The following ALMS1 variants were observed in gnomAD, a reference collection of about 807,000 sequenced individuals.
ALMS1 encodes ALMS1 centrosome and basal body associated protein.
In ALMS1, 271 loss-of-function variants were observed where a neutral mutation model predicts 352.2. The observed-to-expected ratio is 0.77, with a 90% CI of 0.70 to 0.85. The LOEUF is 0.85. ALMS1 is among the 40% of genes least tolerant of loss of function. ALMS1 has a pLI of 0.00. For missense variants in ALMS1, 5,445 were observed against 4,870.7 expected, an observed-to-expected ratio of 1.12 and a Z score of -3.51; for synonymous variants, 1,865 against 1,761.2, an observed-to-expected ratio of 1.06 and a Z score of -1.48.
chr2:73,585,392 CTTTTT>C (rs760209126), intron 16 of ALMS1, among the ~76,000 whole-genome samples: 2 of 122,584 alleles, frequency 1.6e-5, no homozygotes, highest in Non-Finnish European at 1.7e-5. Context: ...TGATGATGAG[CTTTTT>C]TTTTTTTTTT....
intron 21 of ALMS1, among the ~76,000 whole-genome samples, chr2:73,604,836 T>C (rs1675779025): frequency 6.6e-6 from 1 of 151,894 alleles, no homozygotes; most frequent in Non-Finnish European, 1.5e-5. Flanking sequence ...TGGGGAGGAG[T>C]AAAATCACTG....
At position 73,490,049 on chromosome 2, in the gene ALMS1, ATTC is replaced by A; in HGVS notation, c.8094_8096del (p.Ser2700del). The stretch of plus-strand genomic sequence containing the variant: ...GTGCCACCTAAAGAAGTGGATTTTC[ATTC>A]TTCATCACAAATGCCGTCCCCAGAA... On this transcript the variant is annotated inframe_deletion, in exon 10 of 23. Transcript: ENST00000613296. 1 of 1,614,200 alleles carries A rather than the reference ATTC, an allele frequency of 6.2e-7. No individual in the cohort carries two copies. Among genetic ancestry groups the A allele is most frequent in the South Asian group, 1.1e-5 (1 of 91,072 alleles).
intron 16 of ALMS1, among the ~76,000 whole-genome samples, chr2:73,584,091 C>T (rs1181983871): frequency 6.6e-6 from 1 of 152,106 alleles, no homozygotes; most frequent in Non-Finnish European, 1.5e-5. Context: ...AACTAATATG[C>T]TTCAACCACT....
Position 73,490,274 on chromosome 2 carries a change from C to T in ALMS1, c.8315C>T (p.Ser2772Leu). The T allele has an allele frequency of 6.2e-7, 1 of 1,613,774 alleles. No individual in the cohort carries two copies. Among genetic ancestry groups the T allele is most frequent in the Non-Finnish European group, 8.5e-7 (1 of 1,179,942 alleles). ...RDLKQKTSSP[S>L]SFKMHSNSQD... ...CTTAAACAGAAAACCTCTTCCCCTT[C>T]ATCATTTAAAATGCATAGTAATTCA... Residue 2772 changes from serine (S) to leucine (L), a missense_variant, in exon 10 of 23, where the codon TCA (serine) becomes TTA (leucine). Ser to Leu is a moderately radical substitution (Grantham distance 145). Coordinates refer to ENST00000613296, the MANE Select transcript of ALMS1 (RefSeq NM_001378454.1).
chr2:73,427,680 C>A (rs530150539), intron 6 of ALMS1, among the ~76,000 whole-genome samples: 1 of 152,182 alleles, frequency 6.6e-6, no homozygotes, highest in Admixed American at 6.5e-5. Flanking sequence ...ATGTTCCCCT[C>A]CCTGTGTCAT....
At chr2:73,472,441 T>C (rs1453227953) in intron 9 of ALMS1, among the ~76,000 whole-genome samples, 4 of 152,090 alleles carry the variant, frequency 2.6e-5, no homozygotes, top group Non-Finnish European at 5.9e-5. Flanking sequence ...AAATTTGCAA[T>C]CAGCATAATC....
chr2:73,572,045 C>A (rs1215706975), intron 15 of ALMS1, among the ~76,000 whole-genome samples: 1 of 152,174 alleles, frequency 6.6e-6, no homozygotes, highest in African/African-American at 2.4e-5. Context: ...GTGGCAGAGC[C>A]CAGGCCAAAA....
Position 73,408,699 on chromosome 2 carries a change from T to C in ALMS1, c.402T>C (p.Asn134=), listed in dbSNP as rs1240872723. ...GTAGAACACAAATTTCTGATACTAA[T>C]GTGGTCTGTTTGGAAACAACAGCTC... ...GNSRTQISDT[N]VVCLETTAQR... is the part of the protein sequence containing the mutation. Residue 134 remains asparagine (N), a synonymous_variant, in exon 2 of 23, where the codon AAT becomes AAC. Transcript: ENST00000613296. The C allele has an allele frequency of 5.6e-6, 9 of 1,613,552 alleles. No individual in the cohort carries two copies. Among genetic ancestry groups the C allele is most frequent in the Non-Finnish European group, 7.6e-6 (9 of 1,179,836 alleles).
chr2:73,427,679 T>A (rs566227342), intron 6 of ALMS1, among the ~76,000 whole-genome samples: 1 of 152,232 alleles, frequency 6.6e-6, no homozygotes, highest in Admixed American at 6.5e-5. Flanking sequence ...GATGTTCCCC[T>A]CCCTGTGTCA....
intron 18 of ALMS1, 147 bp from the exon 19 acceptor site, chr2:73,601,048 C>A: frequency 7.0e-7 from 1 of 1,430,200 alleles, no homozygotes; most frequent in Non-Finnish European, 9.6e-7. Flanking sequence ...GTCATCCCTG[C>A]AGCAAAACCA....
At position 73,448,312 on chromosome 2, in the gene ALMS1, T is replaced by C. The variant is rs1297349443; in HGVS notation, c.1785T>C (p.Thr595=). ...AGGGCTTGCCAGACAGTCATCTAAC[T>C]GAAGAGGCTTTGAAAGTTTCAGCTG... ...YQQGLPDSHL[T]EEALKVSAAP... is the part of the protein sequence containing the mutation. The change falls in exon 8 of 23, where the codon ACT becomes ACC. Residue 595 remains threonine (T), a synonymous_variant. Transcript: ENST00000613296. The C allele has an allele frequency of 3.7e-6, 6 of 1,614,040 alleles. No individual in the cohort carries two copies. The highest frequency in any genetic ancestry group is 5.1e-6 in the Non-Finnish European group (6 of 1,179,946).
intron 9 of ALMS1, among the ~76,000 whole-genome samples, chr2:73,477,834 T>G (rs1168101941): frequency 6.6e-6 from 1 of 152,198 alleles, no homozygotes; most frequent in African/African-American, 2.4e-5. Context: ...TCCTGCAGCT[T>G]TGCTGAACTT....
chr2:73,576,888 G>C (rs1427564943), intron 16 of ALMS1, among the ~76,000 whole-genome samples: 2 of 152,054 alleles, frequency 1.3e-5, no homozygotes, highest in Non-Finnish European at 2.9e-5. Context: ...TCCCCAAAGT[G>C]CTGGGATTAC....
At position 73,451,079 on chromosome 2, in the gene ALMS1, A is replaced by C. The variant is rs1438157029; in HGVS notation, c.4552A>C (p.Ile1518Leu). 1 of 1,613,304 alleles carries C rather than the reference A, an allele frequency of 6.2e-7. No homozygotes were observed. The highest frequency in any genetic ancestry group is 8.5e-7 in the Non-Finnish European group (1 of 1,179,796). Residue 1518 changes from isoleucine (I) to leucine (L), a missense_variant, in exon 8 of 23, where the codon ATA becomes CTA. Ile to Leu is a conservative substitution (Grantham distance 5). Coordinates refer to ENST00000613296, the MANE Select transcript of ALMS1 (RefSeq NM_001378454.1). The stretch of plus-strand genomic sequence containing the variant: ...TGGCCAGACAACTGGCGCACCAACT[A>C]TAACCTCTCCTTCCTACTCACAACA... ...PVGQTTGAPTITSPSYSQHRA... is the reference protein window; with the variant it reads ...PVGQTTGAPTLTSPSYSQHRA...
intron 10 of ALMS1, among the ~76,000 whole-genome samples, chr2:73,509,898 A>G (rs548691289): frequency 2.0e-5 from 3 of 152,312 alleles, no homozygotes; most frequent in South Asian, 4.1e-4. Flanking sequence ...AGGTACACCA[A>G]TCAAACGTAC....
At chr2:73,596,030 T>C (rs1462511470) in intron 16 of ALMS1, among the ~76,000 whole-genome samples, 1 of 152,254 alleles carries the variant, frequency 6.6e-6, no homozygotes, top group Non-Finnish European at 1.5e-5. Context: ...TTACAAGTCC[T>C]TTATCAGATG....
chr2:73,452,230 G>A lies in ALMS1; in HGVS notation c.5703G>A (p.Lys1901=). ...CTAGTTCCTACTCAAATAGAGAGAA[G>A]GCCAGTATTTTTCATCAGCAGGAGT... is the stretch of plus-strand genomic sequence containing the variant. ...ASSSSYSNRE[K]ASIFHQQELP... Residue 1901 remains lysine, a synonymous_variant, in exon 8 of 23, where the codon AAG becomes AAA. Transcript: ENST00000613296. 1 of 1,613,992 alleles carries A rather than the reference G, an allele frequency of 6.2e-7. No homozygotes were observed. The highest frequency in any genetic ancestry group is 1.1e-5 in the South Asian group (1 of 91,074).
intron 15 of ALMS1, among the ~76,000 whole-genome samples, chr2:73,563,851 G>A (rs1365470951): frequency 6.6e-6 from 1 of 151,248 alleles, no homozygotes; most frequent in East Asian, 1.9e-4. Flanking sequence ...CTTGTAGGGA[G>A]AAAAAAAATA....
At chr2:73,414,473 G>GTT (rs61660489) in intron 2 of ALMS1, among the ~76,000 whole-genome samples, 1 of 66,412 alleles carries the variant, frequency 1.5e-5, no homozygotes, top group Non-Finnish European at 3.2e-5. Flanking sequence ...CTTTTTTTCC[G>GTT]TTTTTTTTTT....
Sources: allele counts gnomAD v4.1 joint callset (sites outside exome capture counted in the v4.1 genomes callset), GRCh38; gene constraint gnomAD v4.1.1; transcripts MANE v1.5; gene names NCBI Gene and HGNC (gene_info 2026-07-23, HGNC 2026-07-21).